MDGA2: variants seen among roughly 807,000 people sequenced by gnomAD.
MDGA2 encodes MAM domain-containing glycosylphosphatidylinositol anchor protein 2.
MDGA2 carries 40 observed loss-of-function variants against 117.8 expected under a neutral mutation model. The observed-to-expected ratio is 0.34, with a 90% CI of 0.26 to 0.44. MDGA2 has a LOEUF of 0.44. MDGA2 is among the 20% of genes least tolerant of loss of function. The probability of loss-of-function intolerance (pLI) is 1.00; values close to 1 mark genes in which losing one functional copy is unlikely to be tolerated. For synonymous variants in MDGA2, 452 were observed against 439.0 expected, an observed-to-expected ratio of 1.03 and a Z score of -0.37; for missense variants, 1,123 against 1,250.6, an observed-to-expected ratio of 0.90 and a Z score of 1.54.
chr14:47,553,622 T>C (rs983444166), intron 1 of MDGA2, among the ~76,000 whole-genome samples: 1 of 152,212 alleles, frequency 6.6e-6, no homozygotes, highest in South Asian at 2.1e-4. Flanking sequence ...CCTGATATTT[T>C]CCTACATATA....
chr14:47,212,805 C>T (rs536273136), intron 3 of MDGA2, among the ~76,000 whole-genome samples: 3 of 152,082 alleles, frequency 2.0e-5, no homozygotes, highest in Non-Finnish European at 4.4e-5. Flanking sequence ...TTTTACATTC[C>T]CTTAATAACT....
At chr14:47,195,175 T>G (rs909175493) in intron 3 of MDGA2, among the ~76,000 whole-genome samples, 16 of 152,062 alleles carry the variant, frequency 1.1e-4, no homozygotes, top group Admixed American at 9.2e-4. Context: ...TATTTTCATG[T>G]GCACTTTACT....
chr14:47,629,010 C>T (rs1897205031), intron 1 of MDGA2, among the ~76,000 whole-genome samples: 1 of 152,212 alleles, frequency 6.6e-6, no homozygotes, highest in Admixed American at 6.5e-5. Flanking sequence ...CAACTCCTCC[C>T]TGTACCCACT....
intron 15 of MDGA2, among the ~76,000 whole-genome samples, chr14:46,849,958 G>T (rs1203354006): frequency 6.6e-6 from 1 of 151,840 alleles, no homozygotes; most frequent in East Asian, 1.9e-4. Context: ...TCTCCTAAAA[G>T]AGGGATAAAA....
chr14:46,903,456 A>T (rs1025200178), intron 10 of MDGA2, among the ~76,000 whole-genome samples: 1 of 152,184 alleles, frequency 6.6e-6, no homozygotes, highest in African/African-American at 2.4e-5. Flanking sequence ...AAAACAGTAA[A>T]TTTTATTTGA....
intron 7 of MDGA2, 97 bp from the exon 8 acceptor site, chr14:47,035,401 A>C (rs1888810032): frequency 1.1e-6 from 1 of 944,652 alleles, no homozygotes; most frequent in Admixed American, 2.6e-5. Context: ...CTGCTGGCTG[A>C]AGAAATGTGA....
chr14:47,136,640 A>G (rs1212976766), intron 4 of MDGA2, among the ~76,000 whole-genome samples: 1 of 152,176 alleles, frequency 6.6e-6, no homozygotes, highest in Non-Finnish European at 1.5e-5. Context: ...ATATTTATAT[A>G]TGTTTTTATC....
At chr14:47,070,188 C>T (rs945847545) in intron 6 of MDGA2, among the ~76,000 whole-genome samples, 11 of 152,068 alleles carry the variant, frequency 7.2e-5, no homozygotes, top group African/African-American at 9.7e-5. Context: ...ATTTTTTATA[C>T]CAACTAACCA....
At chr14:47,027,063 C>G (rs1888499981) in intron 8 of MDGA2, among the ~76,000 whole-genome samples, 1 of 151,770 alleles carries the variant, frequency 6.6e-6, no homozygotes, top group African/African-American at 2.4e-5. Flanking sequence ...ATCCCAGCTA[C>G]TTGGGAGGTT....
At chr14:47,007,116 A>G (rs1887739531) in intron 8 of MDGA2, among the ~76,000 whole-genome samples, 1 of 151,812 alleles carries the variant, frequency 6.6e-6, no homozygotes. Flanking sequence ...CTTCATATGG[A>G]ATTTGTATCA....
intron 1 of MDGA2, among the ~76,000 whole-genome samples, chr14:47,402,239 C>G (rs1892164553): frequency 6.6e-6 from 1 of 151,712 alleles, no homozygotes; most frequent in African/African-American, 2.4e-5. Context: ...ACTGGCAAAC[C>G]AAGTGGTATT....
rs145857577 is a variant in MDGA2, at chr14:47,584,005, G to A, written c.280+90512C>T. The stretch of plus-strand genomic sequence containing the variant: ...ATTACTCTATCTCCTGCATTTTCAC[G>A]GTCACAAAGTGTCTGGTAAAAAGTA... On this transcript the variant is annotated intron_variant, in intron 1 of 16. Transcript: ENST00000399232. Among the ~76,000 whole-genome samples the A allele has an allele frequency of 5.0e-3, 757 of 151,762 alleles. 10 individuals carry two copies. The highest frequency in any genetic ancestry group is 0.017 in the African/African-American group (695 of 41,460).
intron 1 of MDGA2, among the ~76,000 whole-genome samples, chr14:47,604,409 T>C (rs764551838): frequency 6.6e-6 from 1 of 151,886 alleles, no homozygotes; most frequent in Non-Finnish European, 1.5e-5. Context: ...CTTAAACTGC[T>C]GGACTCAAGC....
At chr14:47,297,673 C>A (rs1265327542) in intron 2 of MDGA2, among the ~76,000 whole-genome samples, 1 of 152,008 alleles carries the variant, frequency 6.6e-6, no homozygotes, top group Non-Finnish European at 1.5e-5. Flanking sequence ...TGTAATAAAC[C>A]CTCATTAAAC....
In MDGA2 at chr14:47,674,738, G is replaced by T. The variant is rs1247362380; in HGVS notation, c.59C>A (p.Thr20Lys). 2 of 763,692 alleles carry T rather than the reference G, an allele frequency of 2.6e-6. No individual in the cohort carries two copies. The highest frequency in any genetic ancestry group is 4.6e-6 in the Non-Finnish European group (2 of 435,792). The allele number at this position is 763,692 out of a possible 1,614,324, so 47.3% of individuals were successfully genotyped here. A position where few individuals can be genotyped will look rare whatever the true frequency, so the allele number is the denominator to read the frequency against. ...RSARRRRRGR[T>K]DGRRFLLRRA... ...CCGAAGGAGGAAGCGCCGTCCGTCT[G>T]TCCTTCCCCGGCGGCGGCGGCGAGC... Residue 20 changes from threonine to lysine, a missense_variant, in exon 1 of 17, where the codon ACA (threonine) becomes AAA (lysine). Physicochemically the swap from Thr to Lys is moderately conservative, Grantham distance 78. This residue lies in a region of MDGA2 where 233 missense variants were observed against 200.3 expected (regional missense o/e 1.16). Transcript: ENST00000399232.
chr14:46,920,205 A>C, intron 9 of MDGA2, 45 bp from the exon 10 acceptor site: 2 of 1,573,220 alleles, frequency 1.3e-6, no homozygotes, highest in South Asian at 1.2e-5. Context: ...GACATATTGT[A>C]GTGTAAGCAT....
chr14:47,155,871 CTT>C (rs1348682074), intron 3 of MDGA2, among the ~76,000 whole-genome samples: 9 of 77,286 alleles, frequency 1.2e-4, no homozygotes, highest in East Asian at 4.9e-4. Flanking sequence ...CAATTCTTTT[CTT>C]TTCTTCTTCT....
At chr14:47,614,234 C>T (rs1896908554) in intron 1 of MDGA2, among the ~76,000 whole-genome samples, 1 of 150,864 alleles carries the variant, frequency 6.6e-6, no homozygotes, top group South Asian at 2.1e-4. Context: ...GGGTTACAGG[C>T]ACCTGCCATC....
chr14:47,436,131 G>C (rs1385698563), intron 1 of MDGA2, among the ~76,000 whole-genome samples: 1 of 151,968 alleles, frequency 6.6e-6, no homozygotes, highest in Non-Finnish European at 1.5e-5. Flanking sequence ...GGACATCTCA[G>C]GGAAAACTCA....
Sources: allele counts gnomAD v4.1 joint callset (sites outside exome capture counted in the v4.1 genomes callset), GRCh38; gene constraint gnomAD v4.1.1; regional missense constraint gnomAD v4.1.1; transcripts MANE v1.5; gene names NCBI Gene and HGNC (gene_info 2026-07-23, HGNC 2026-07-21).